The following TMCO5A variants were observed in gnomAD, a reference collection of about 807,000 sequenced individuals.
The protein encoded by TMCO5A is transmembrane and coiled-coil domain-containing protein 5A.
In TMCO5A, 34 loss-of-function variants were observed where a neutral mutation model predicts 42.3. The observed-to-expected ratio is 0.80, with a 90% CI of 0.61 to 1.07. The LOEUF is 1.07. TMCO5A is among the 50% of genes least tolerant of loss of function. TMCO5A has a pLI of 0.00. For synonymous variants in TMCO5A, 131 were observed against 115.6 expected (o/e 1.13, Z -0.86); for missense variants, 357 against 327.9 (o/e 1.09, Z -0.69).
chr15:37,947,755 C>A, intron 11 of TMCO5A, 59 bp downstream of exon 11: 1 of 1,176,618 alleles, frequency 8.5e-7, no homozygotes, highest in South Asian at 1.3e-5. Context: ...TTTAGCTATT[C>A]GGGCAGAGGG....
the TMCO5A span, among the ~76,000 whole-genome samples, chr15:37,996,949 T>C: frequency 6.6e-6 from 1 of 152,204 alleles, no homozygotes; most frequent in African/African-American, 2.4e-5. Flanking sequence ...CTATAACTTC[T>C]ATCTTAAAAC....
At chr15:37,938,648 T>C (rs1037399443) in intron 6 of TMCO5A, among the ~76,000 whole-genome samples, 1 of 152,104 alleles carries the variant, frequency 6.6e-6, no homozygotes, top group Non-Finnish European at 1.5e-5. Flanking sequence ...GAGTTTTACA[T>C]TATTATTTAA....
In TMCO5A at chr15:37,941,742, T is replaced by C. The variant is rs1253209294; in HGVS notation, c.504+12T>C. ...CCCTCTACATAAAGGTAGAGCTTCT[T>C]GGTAAAGGGATAGCAAAGGGTTTAT... On this transcript the variant is annotated intron_variant, in intron 8 of 11. Coordinates refer to ENST00000319669, the MANE Select transcript of TMCO5A (RefSeq NM_152453.4). The C allele has an allele frequency of 3.1e-6, 5 of 1,604,800 alleles. No individual in the cohort carries two copies. The highest frequency in any genetic ancestry group is 4.5e-5 in the East Asian group (2 of 44,752).
At chr15:38,001,847 C>G in the TMCO5A span, among the ~76,000 whole-genome samples, 1 of 151,788 alleles carries the variant, frequency 6.6e-6, no homozygotes, top group Non-Finnish European at 1.5e-5. Flanking sequence ...TTTTGTTGTT[C>G]CTATTTATAT....
At chr15:37,988,206 C>G in the TMCO5A span, among the ~76,000 whole-genome samples, 1 of 151,968 alleles carries the variant, frequency 6.6e-6, no homozygotes, top group East Asian at 1.9e-4. Flanking sequence ...TTTCCTGCTA[C>G]TTTGCTGAAT....
At chr15:37,969,023 A>T (rs1341322567), downstream of TMCO5A, among the ~76,000 whole-genome samples, 1 of 152,238 alleles carries the variant, frequency 6.6e-6, no homozygotes, top group Non-Finnish European at 1.5e-5. Context: ...GATGAAGAAG[A>T]CATAATATCT....
chr15:37,961,315 C>T (rs8031148), intron 11 of TMCO5A, among the ~76,000 whole-genome samples: 38,594 of 151,758 alleles, frequency 0.25, 5,296 homozygotes, highest in African/African-American at 0.33. Flanking sequence ...CCCCATATTA[C>T]GTTTTTGTTT....
At chr15:38,003,710 TACC>T in the TMCO5A span, among the ~76,000 whole-genome samples, 13 of 152,182 alleles carry the variant, frequency 8.5e-5, no homozygotes, top group Admixed American at 2.6e-4. Flanking sequence ...AGTACCTGGC[TACC>T]ACCATGTTCA....
At chr15:37,991,615 C>G in the TMCO5A span, among the ~76,000 whole-genome samples, 1 of 152,090 alleles carries the variant, frequency 6.6e-6, no homozygotes, top group African/African-American at 2.4e-5. Flanking sequence ...CCCTTAGGAC[C>G]TTTTCACTTT....
At chr15:37,941,294 C>T in intron 7 of TMCO5A, 89 bp downstream of exon 7, 1 of 1,339,572 alleles carries the variant, frequency 7.5e-7, no homozygotes, top group Non-Finnish European at 1.1e-6. Flanking sequence ...GATTGATTTA[C>T]ATTAAGGTTC....
At chr15:37,949,414 G>A (rs568175942) in intron 11 of TMCO5A, among the ~76,000 whole-genome samples, 3 of 152,184 alleles carry the variant, frequency 2.0e-5, no homozygotes, top group South Asian at 2.1e-4. Context: ...TAAAGAGCAC[G>A]GAGTGGGGAA....
chr15:37,989,654 G>T, the TMCO5A span, among the ~76,000 whole-genome samples: 2 of 151,974 alleles, frequency 1.3e-5, no homozygotes, highest in Admixed American at 1.3e-4. Context: ...TTAGGGAAGA[G>T]GATCTCTTAA....
At chr15:37,976,999 T>C in the TMCO5A span, among the ~76,000 whole-genome samples, 1 of 152,064 alleles carries the variant, frequency 6.6e-6, no homozygotes, top group Non-Finnish European at 1.5e-5. Flanking sequence ...CTCAAACTCC[T>C]ATCTTAAAGT....
the TMCO5A span, among the ~76,000 whole-genome samples, chr15:38,016,126 G>A: frequency 1.3e-5 from 2 of 152,178 alleles, no homozygotes; most frequent in Non-Finnish European, 2.9e-5. Context: ...ATGGTGGGGG[G>A]TGTTGATAAT....
At chr15:38,000,904 T>C in the TMCO5A span, among the ~76,000 whole-genome samples, 7,791 of 152,202 alleles carry the variant, frequency 0.051, 263 homozygotes, top group East Asian at 0.12. Context: ...TTTTAAGACA[T>C]TCTGTGGCCT....
the TMCO5A span, among the ~76,000 whole-genome samples, chr15:38,011,490 C>G: frequency 6.6e-6 from 1 of 152,150 alleles, no homozygotes; most frequent in African/African-American, 2.4e-5. Context: ...GCTGCAGTGT[C>G]TTTGTTAGAA....
chr15:37,961,695 A>G (rs1345123499), intron 11 of TMCO5A, among the ~76,000 whole-genome samples: 2 of 151,772 alleles, frequency 1.3e-5, no homozygotes, highest in Non-Finnish European at 2.9e-5. Context: ...TTTGTTTGTC[A>G]TCTATGATTT....
At chr15:37,951,489 T>C, downstream of TMCO5A, 1 of 407,878 alleles carries the variant, frequency 2.5e-6, no homozygotes, top group East Asian at 4.0e-5. Flanking sequence ...TTTGGGGAAT[T>C]ATATAGATGC....
At chr15:38,020,922 T>A in the TMCO5A span, among the ~76,000 whole-genome samples, 2 of 152,176 alleles carry the variant, frequency 1.3e-5, no homozygotes, top group African/African-American at 4.8e-5. Flanking sequence ...AAACTGTGGA[T>A]GGATCAGCAA....
Sources: allele counts gnomAD v4.1 joint callset (sites outside exome capture counted in the v4.1 genomes callset), GRCh38; gene constraint gnomAD v4.1.1; transcripts MANE v1.5; gene names NCBI Gene and HGNC (gene_info 2026-07-23, HGNC 2026-07-21).